HS3ST4: variants seen among roughly 807,000 people sequenced by gnomAD.
HS3ST4 encodes the protein heparan sulfate glucosamine 3-O-sulfotransferase 4.
A neutral mutation model predicts 29.2 loss-of-function variants in HS3ST4; 17 were observed. That is an observed-to-expected ratio of 0.58 (90% CI 0.40 to 0.87). HS3ST4 has a LOEUF of 0.87. HS3ST4 is among the 40% of genes least tolerant of loss of function. HS3ST4 has a pLI of 0.00. For missense variants in HS3ST4, 627 were observed against 634.5 expected (o/e 0.99, Z 0.13); for synonymous variants, 314 against 285.7 (o/e 1.10, Z -1.00).
intron 1 of HS3ST4, among the ~76,000 whole-genome samples, chr16:25,733,539 A>T (rs4787749): frequency 0.62 from 94,446 of 151,986 alleles, 32,146 homozygotes; most frequent in East Asian, 0.88. Flanking sequence ...GAGAGTTTAA[A>T]CCCAGTACAG....
chr16:25,928,559 C>T (rs1429173543), intron 1 of HS3ST4, among the ~76,000 whole-genome samples: 1 of 152,160 alleles, frequency 6.6e-6, no homozygotes, highest in Non-Finnish European at 1.5e-5. Flanking sequence ...CATGTGGCCT[C>T]CTATGCTTTG....
chr16:25,792,890 CT>C (rs1465269523), intron 1 of HS3ST4, among the ~76,000 whole-genome samples: 1 of 151,810 alleles, frequency 6.6e-6, no homozygotes, highest in Admixed American at 6.6e-5. Flanking sequence ...TTGTTTTTAA[CT>C]TCTTTTCTAA....
chr16:25,928,924 A>G (rs1156987481), intron 1 of HS3ST4, among the ~76,000 whole-genome samples: 1 of 152,222 alleles, frequency 6.6e-6, no homozygotes, highest in African/African-American at 2.4e-5. Flanking sequence ...TTTACGTTGT[A>G]TCTGAGCATG....
At chr16:26,037,005 C>T (rs146252389) in intron 1 of HS3ST4, among the ~76,000 whole-genome samples, 259 of 152,254 alleles carry the variant, frequency 1.7e-3, no homozygotes, top group African/African-American at 6.1e-3. Flanking sequence ...TCCTTCAACC[C>T]CTCCATGACT....
chr16:26,130,665 T>G (rs1349965371), intron 1 of HS3ST4, among the ~76,000 whole-genome samples: 1 of 152,206 alleles, frequency 6.6e-6, no homozygotes, highest in East Asian at 1.9e-4. Context: ...ATCTTTGTAA[T>G]GAAATAAAAC....
intron 1 of HS3ST4, among the ~76,000 whole-genome samples, chr16:26,112,737 C>T (rs1472223936): frequency 5.3e-5 from 8 of 151,712 alleles, no homozygotes; most frequent in Non-Finnish European, 1.0e-4. Context: ...GATATTTCAC[C>T]CATGAGGACA....
Position 26,107,995 on chromosome 16 carries a change from T to G in HS3ST4, c.735-27617T>G, listed in dbSNP as rs1899079255. Among the ~76,000 whole-genome samples the G allele has an allele frequency of 3.3e-5, 5 of 152,198 alleles. No individual in the cohort carries two copies. The South Asian group carries it at 1.0e-3, about 31-fold the overall frequency. The stretch of plus-strand genomic sequence containing the variant: ...CTGTGGAAAACACTGTTCTATTTTC[T>G]ATGGAAAATAGAGGTTTTCTATTTT... On this transcript the variant is annotated intron_variant, in intron 1 of 1. Transcript: ENST00000331351.
At chr16:25,868,693 C>G (rs12445018) in intron 1 of HS3ST4, among the ~76,000 whole-genome samples, 1 of 152,154 alleles carries the variant, frequency 6.6e-6, no homozygotes, top group Non-Finnish European at 1.5e-5. Flanking sequence ...AAATGTAATT[C>G]GGACTGTCAA....
chr16:25,708,131 G>C (rs1458917802), intron 1 of HS3ST4, among the ~76,000 whole-genome samples: 2 of 152,174 alleles, frequency 1.3e-5, no homozygotes, highest in Non-Finnish European at 2.9e-5. Flanking sequence ...AAATTTAAAA[G>C]ATGTTTATGT....
intron 1 of HS3ST4, among the ~76,000 whole-genome samples, chr16:25,850,855 G>C (rs908373127): frequency 6.6e-6 from 1 of 152,220 alleles, no homozygotes; most frequent in Non-Finnish European, 1.5e-5. Context: ...AGGGAGTATG[G>C]TGGGAGAGGA....
rs375457822 is a variant in HS3ST4 at position 25,804,844 on chromosome 16, A to T, written c.734+111693A>T. Among the ~76,000 whole-genome samples the T allele has an allele frequency of 8.5e-4, 130 of 152,312 alleles. 2 individuals are homozygous for T. In the South Asian group the frequency reaches 0.025, roughly 30 times the overall value. ...TATGATGAAACGAGATAATGTGTTT[A>T]AAGGGCTTAACCCATTGGCTAACAC... is the stretch of plus-strand genomic sequence containing the variant. On this transcript the variant is annotated intron_variant, in intron 1 of 1. Coordinates refer to ENST00000331351, the MANE Select transcript of HS3ST4 (RefSeq NM_006040.3).
intron 1 of HS3ST4, among the ~76,000 whole-genome samples, chr16:26,046,440 G>T (rs548636859): frequency 1.3e-5 from 2 of 152,008 alleles, no homozygotes; most frequent in Admixed American, 1.3e-4. Flanking sequence ...CATGAGCCAC[G>T]GTACCCGGCC....
At chr16:25,818,726 C>G (rs1421758361) in intron 1 of HS3ST4, among the ~76,000 whole-genome samples, 1 of 152,172 alleles carries the variant, frequency 6.6e-6, no homozygotes, top group Non-Finnish European at 1.5e-5. Flanking sequence ...ACCTGGGCGT[C>G]TACATTTAGT....
chr16:25,800,598 CT>C (rs954174964), intron 1 of HS3ST4, among the ~76,000 whole-genome samples: 3 of 152,058 alleles, frequency 2.0e-5, no homozygotes, highest in Admixed American at 6.5e-5. Context: ...AATTTAGTGT[CT>C]TTTTTTTAAG....
At chr16:25,758,888 G>A (rs1453282764) in intron 1 of HS3ST4, among the ~76,000 whole-genome samples, 1 of 151,896 alleles carries the variant, frequency 6.6e-6, no homozygotes, top group Non-Finnish European at 1.5e-5. Flanking sequence ...CACGGGAGGC[G>A]GAGGTTGCAG....
intron 1 of HS3ST4, among the ~76,000 whole-genome samples, chr16:25,937,959 G>C (rs889297533): frequency 6.6e-6 from 1 of 152,172 alleles, no homozygotes; most frequent in African/African-American, 2.4e-5. Context: ...TGACCACAAG[G>C]CAGTAGGAGG....
rs370320373 is a variant in HS3ST4, at chr16:26,097,632, A to T, written c.735-37980A>T. On this transcript the variant is annotated intron_variant, in intron 1 of 1. Coordinates refer to ENST00000331351, the MANE Select transcript of HS3ST4 (RefSeq NM_006040.3). ...TTAGACCCAAAACTGTAGAAACCCTAGAAGCAAGCCTAGGCAATACCATTC... is the reference window on the plus strand; with the variant it reads ...TTAGACCCAAAACTGTAGAAACCCTTGAAGCAAGCCTAGGCAATACCATTC... 6.6e-5 allele frequency among the ~76,000 whole-genome samples: 10 copies of T among 152,376 alleles called. No individual in the cohort carries two copies. The South Asian group carries it at 2.1e-3, about 32-fold the overall frequency.
chr16:25,991,816 T>G (rs912345423), intron 1 of HS3ST4, among the ~76,000 whole-genome samples: 1 of 151,950 alleles, frequency 6.6e-6, no homozygotes, highest in Non-Finnish European at 1.5e-5. Context: ...GGTCAGGAGA[T>G]CAAGACCATC....
chr16:25,761,293 A>G (rs1291371929), intron 1 of HS3ST4, among the ~76,000 whole-genome samples: 1 of 152,202 alleles, frequency 6.6e-6, no homozygotes, highest in Non-Finnish European at 1.5e-5. Context: ...ATTCTGTGAG[A>G]TGGAAATGTT....
Sources: allele counts gnomAD v4.1 joint callset (sites outside exome capture counted in the v4.1 genomes callset), GRCh38; gene constraint gnomAD v4.1.1; transcripts MANE v1.5; gene names NCBI Gene and HGNC (gene_info 2026-07-23, HGNC 2026-07-21).